PCDH15: variants seen among roughly 807,000 people sequenced by gnomAD.
The protein encoded by PCDH15 is protocadherin-15.
In PCDH15, 129 loss-of-function variants were observed where a neutral mutation model predicts 178.5. That is an observed-to-expected ratio of 0.72 (90% CI 0.63 to 0.84). PCDH15 has a LOEUF of 0.84. Ranked by LOEUF, PCDH15 falls within the 40% of genes least tolerant of loss-of-function variation. The probability of loss-of-function intolerance (pLI) is 0.00; values close to 1 mark genes in which losing one functional copy is unlikely to be tolerated. For missense variants in PCDH15, 2,230 were observed against 2,099.9 expected (o/e 1.06, Z -1.21); for synonymous variants, 800 against 732.0 (o/e 1.09, Z -1.50).
intron 3 of PCDH15, among the ~76,000 whole-genome samples, chr10:54,403,325 C>T (rs780564219): frequency 1.3e-5 from 2 of 151,828 alleles, no homozygotes; most frequent in Non-Finnish European, 2.9e-5. Flanking sequence ...CACAAAAGTA[C>T]AAGGTAAAGC....
chr10:53,987,683 G>C (rs1037855042), intron 21 of PCDH15, among the ~76,000 whole-genome samples: 4 of 152,170 alleles, frequency 2.6e-5, no homozygotes, highest in South Asian at 2.1e-4. Flanking sequence ...AGCATCAGGA[G>C]ACCAGAGGCC....
At chr10:54,128,405 T>C (rs1172151030) in intron 15 of PCDH15, among the ~76,000 whole-genome samples, 1 of 152,186 alleles carries the variant, frequency 6.6e-6, no homozygotes, top group African/African-American at 2.4e-5. Flanking sequence ...AGTTGATGCT[T>C]TCTTGCCAAC....
chr10:55,295,198 A>G (rs1002012651), intron 1 of PCDH15, among the ~76,000 whole-genome samples: 1 of 152,214 alleles, frequency 6.6e-6, no homozygotes, highest in African/African-American at 2.4e-5. Flanking sequence ...AGTCTCAATT[A>G]TACTTTCTCC....
intron 2 of PCDH15, among the ~76,000 whole-genome samples, chr10:55,560,003 G>T (rs569238031): frequency 6.6e-6 from 1 of 151,784 alleles, no homozygotes; most frequent in Non-Finnish European, 1.5e-5. Context: ...AACACTGTAG[G>T]CCATTAAGGA....
At chr10:53,828,438 A>C (rs1170709248) in intron 31 of PCDH15, 127 bp downstream of exon 31, 4 of 786,484 alleles carry the variant, frequency 5.1e-6, no homozygotes, top group Non-Finnish European at 8.7e-6. Context: ...ACCAAGAAAT[A>C]AACTATTACA....
chr10:54,448,644 G>A (rs927026695), intron 3 of PCDH15, among the ~76,000 whole-genome samples: 1 of 151,542 alleles, frequency 6.6e-6, no homozygotes, highest in African/African-American at 2.4e-5. Flanking sequence ...TCTAGCAATA[G>A]AATTCATTGT....
At chr10:53,810,763 C>A (rs2075835519) in intron 36 of PCDH15, 99 bp from the exon 37 acceptor site, 2 of 1,106,808 alleles carry the variant, frequency 1.8e-6, no homozygotes, top group East Asian at 2.4e-5. Flanking sequence ...GCCATTCAAT[C>A]GACAGATATT....
intron 14 of PCDH15, among the ~76,000 whole-genome samples, chr10:54,152,180 T>C (rs2044605938): frequency 1.3e-5 from 2 of 152,140 alleles, no homozygotes. Flanking sequence ...GATTTAAATA[T>C]ACAATATGAA....
intron 2 of PCDH15, among the ~76,000 whole-genome samples, chr10:55,070,725 T>C (rs1041672946): frequency 2.0e-4 from 30 of 152,156 alleles, no homozygotes; most frequent in Non-Finnish European, 3.8e-4. Context: ...CCTTCAGCTT[T>C]GTTCTTTTGG....
intron 23 of PCDH15, among the ~76,000 whole-genome samples, chr10:53,949,040 T>G (rs2086799341): frequency 6.6e-6 from 1 of 152,212 alleles, no homozygotes; most frequent in Admixed American, 6.5e-5. Flanking sequence ...AAACAGTGGA[T>G]GTAAGTTGAA....
At chr10:54,253,005 G>T (rs910390126) in intron 8 of PCDH15, among the ~76,000 whole-genome samples, 3 of 151,826 alleles carry the variant, frequency 2.0e-5, no homozygotes, top group African/African-American at 7.3e-5. Context: ...AAGAACCAAG[G>T]TATTGATTGA....
intron 9 of PCDH15, among the ~76,000 whole-genome samples, chr10:54,216,044 G>GAAAAAAAAAAAAAAAAAAAAA (rs10648282): frequency 1.4e-5 from 1 of 70,390 alleles, no homozygotes; most frequent in African/African-American, 6.2e-5. Context: ...CTCCGTCTCA[G>GAAAAAAAAAAAAAAAAAAAAA]AAAAAAAAAA....
intron 21 of PCDH15, among the ~76,000 whole-genome samples, chr10:53,990,488 T>C (rs1470288145): frequency 6.8e-6 from 1 of 148,060 alleles, no homozygotes; most frequent in Non-Finnish European, 1.5e-5. Context: ...GTCTACATAA[T>C]TCTCACAATG....
intron 2 of PCDH15, among the ~76,000 whole-genome samples, chr10:54,553,794 T>G (rs1479739201): frequency 6.6e-6 from 1 of 152,108 alleles, no homozygotes; most frequent in Non-Finnish European, 1.5e-5. Context: ...GAACCTCAGA[T>G]TATCGAGGCT....
At chr10:54,339,770 C>G (rs1935474) in intron 6 of PCDH15, among the ~76,000 whole-genome samples, 1 of 151,970 alleles carries the variant, frequency 6.6e-6, no homozygotes, top group Non-Finnish European at 1.5e-5. Flanking sequence ...ATCTTGAAAA[C>G]TCATCAGGTT....
At chr10:55,535,508 T>A (rs1841557397) in intron 2 of PCDH15, among the ~76,000 whole-genome samples, 1 of 152,034 alleles carries the variant, frequency 6.6e-6, no homozygotes, top group Admixed American at 6.6e-5. Flanking sequence ...TACAAGACAA[T>A]ATTAAACTAT....
In PCDH15 at chr10:54,170,664, T is replaced by A. The variant is rs572485924; in HGVS notation, c.1590+12780A>T. On this transcript the variant is annotated intron_variant, in intron 13 of 37. Transcript: ENST00000644397. ...CCTGACCCCCATGACTGTATCCCTC[T>A]GATCCACCTGACATTCACCCCATTT... 7.6e-4 allele frequency among the ~76,000 whole-genome samples: 115 copies of A among 151,982 alleles called. 1 individual carries two copies. The highest frequency in any genetic ancestry group is 2.4e-3 in the African/African-American group (101 of 41,292).
At chr10:53,912,663 C>G (rs1290473391) in intron 25 of PCDH15, among the ~76,000 whole-genome samples, 1 of 151,604 alleles carries the variant, frequency 6.6e-6, no homozygotes, top group African/African-American at 2.4e-5. Context: ...AGACAAAGAC[C>G]CAAATCATGA....
chr10:54,863,361 T>G (rs891319608), intron 3 of PCDH15, among the ~76,000 whole-genome samples: 7 of 152,060 alleles, frequency 4.6e-5, no homozygotes, highest in Admixed American at 3.3e-4. Flanking sequence ...GCTAACAAGG[T>G]GAAACCCCGT....
Sources: gnomAD v4.1 joint callset for allele counts (sites outside exome capture counted in the v4.1 genomes callset) on GRCh38, gnomAD v4.1.1 for gene constraint, MANE v1.5 for transcripts, NCBI Gene and HGNC (gene_info 2026-07-23, HGNC 2026-07-21) for gene names.